Variants in RAP1GAP2 observed in about 807,000 individuals in gnomAD.
RAP1GAP2 encodes RAP1 GTPase activating protein 2, also known as rap1 GTPase-activating protein 2.
In RAP1GAP2, 27 loss-of-function variants were observed where a neutral mutation model predicts 95.0. The observed-to-expected ratio is 0.28, with a 90% CI of 0.21 to 0.39. The LOEUF (loss-of-function observed/expected upper bound fraction) is 0.39, where lower values mean the gene tolerates loss of function less well. Ranked by LOEUF, RAP1GAP2 falls within the 10% of genes least tolerant of loss-of-function variation. The probability of loss-of-function intolerance (pLI) is 1.00; values close to 1 mark genes in which losing one functional copy is unlikely to be tolerated. For missense variants in RAP1GAP2, 771 were observed against 970.0 expected, an observed-to-expected ratio of 0.79 and a Z score of 2.72; for synonymous variants, 373 against 380.9, an observed-to-expected ratio of 0.98 and a Z score of 0.24.
chr17:2,819,573 C>T (rs959067940), intron 2 of RAP1GAP2, among the ~76,000 whole-genome samples: 8 of 151,526 alleles, frequency 5.3e-5, no homozygotes, highest in Middle Eastern at 3.4e-3. Context: ...TCCCGGGTTC[C>T]AGCGACTCTC....
chr17:2,824,589 A>G (rs2070457409), intron 2 of RAP1GAP2, among the ~76,000 whole-genome samples: 1 of 150,744 alleles, frequency 6.6e-6, no homozygotes, highest in Non-Finnish European at 1.5e-5. Context: ...AAAATACAAA[A>G]ATTAGCCGGG....
intron 3 of RAP1GAP2, among the ~76,000 whole-genome samples, chr17:2,910,305 T>C: frequency 6.6e-6 from 1 of 152,210 alleles, no homozygotes; most frequent in South Asian, 2.1e-4. Context: ...CCTCTGCTTC[T>C]GGCTGGATCC....
intron 3 of RAP1GAP2, among the ~76,000 whole-genome samples, chr17:2,947,975 T>C (rs2043769334): frequency 6.6e-6 from 1 of 152,116 alleles, no homozygotes; most frequent in South Asian, 2.1e-4. Flanking sequence ...AAACACCTGC[T>C]CCTCCATCCT....
In RAP1GAP2 at chr17:2,904,530, C is replaced by G. The variant is rs868662416; in HGVS notation, c.81-754C>G. On this transcript the variant is annotated intron_variant, in intron 2 of 24. Transcript: ENST00000254695. This position sits in a 1 kb window ranked among gnomAD's most constrained non-coding sequence, Gnocchi z 4.7. ...CCGAGGACAGCTTTTTGACCAGGGC[C>G]TGTGTGTGTGTGTGTGTGTGTGTGT... 1.1e-4 allele frequency among the ~76,000 whole-genome samples: 14 copies of G among 129,080 alleles called. No individual in the cohort carries two copies. Among genetic ancestry groups the G allele is most frequent in the Non-Finnish European group, 2.1e-4 (13 of 60,564 alleles). 84.7% of individuals were successfully genotyped at this position (129,080 alleles called of 152,430 possible). A position where few individuals can be genotyped will look rare whatever the true frequency, so the allele number is the denominator to read the frequency against.
At chr17:2,805,634 A>G (rs2069482964) in intron 2 of RAP1GAP2, among the ~76,000 whole-genome samples, 2 of 151,788 alleles carry the variant, frequency 1.3e-5, no homozygotes, top group African/African-American at 2.4e-5. Context: ...CAGCCTCCCA[A>G]AGTGTTGGGA....
intron 17 of RAP1GAP2, among the ~76,000 whole-genome samples, chr17:3,016,449 T>A (rs748180939): frequency 6.6e-6 from 1 of 152,224 alleles, no homozygotes; most frequent in Non-Finnish European, 1.5e-5. Flanking sequence ...GAACAACAGA[T>A]AATATTCGTG....
intron 3 of RAP1GAP2, among the ~76,000 whole-genome samples, chr17:2,912,627 T>C (rs370508376): frequency 6.6e-6 from 1 of 152,050 alleles, no homozygotes; most frequent in South Asian, 2.1e-4. Context: ...ATTCCCTCCA[T>C]CCCTACTGCT....
intron 2 of RAP1GAP2, among the ~76,000 whole-genome samples, chr17:2,900,615 T>C (rs2041997434): frequency 1.3e-5 from 2 of 152,040 alleles, no homozygotes; most frequent in African/African-American, 2.4e-5. Context: ...CTAATTTTTG[T>C]ATTTTTAGTA....
At chr17:2,826,999 C>T (rs747347025) in intron 2 of RAP1GAP2, among the ~76,000 whole-genome samples, 11 of 151,330 alleles carry the variant, frequency 7.3e-5, no homozygotes, top group Non-Finnish European at 1.2e-4. Flanking sequence ...AGCGAGACTC[C>T]GTTTCGAGAG....
intron 2 of RAP1GAP2, among the ~76,000 whole-genome samples, chr17:2,832,439 T>C (rs1354474675): frequency 6.7e-6 from 1 of 148,352 alleles, no homozygotes; most frequent in African/African-American, 2.5e-5. Context: ...GCACCTGTAG[T>C]CCCAGCTACT....
upstream of RAP1GAP2, among the ~76,000 whole-genome samples, chr17:2,774,819 T>C (rs76776533): frequency 9.0e-5 from 4 of 44,396 alleles, no homozygotes; most frequent in Admixed American, 8.0e-4. Flanking sequence ...TGCTATCCTT[T>C]TTTTTTTTTT....
intron 1 of RAP1GAP2, among the ~76,000 whole-genome samples, chr17:2,784,385 C>T (rs1021315918): frequency 2.1e-4 from 32 of 152,192 alleles, no homozygotes; most frequent in African/African-American, 7.2e-4. Flanking sequence ...ATTCTCCTGC[C>T]TCAGCCTCCC....
At position 2,903,572 on chromosome 17, in the gene RAP1GAP2, G is replaced by A. The variant is rs918191221; in HGVS notation, c.81-1712G>A. ...GAGCCAGTTACAGCCTGGATCAGGCGGGAGAGTCCCCCCTCTCCAGCCATC... is the reference window on the plus strand; with the variant it reads ...GAGCCAGTTACAGCCTGGATCAGGCAGGAGAGTCCCCCCTCTCCAGCCATC... On this transcript the variant is annotated intron_variant, in intron 2 of 24. Transcript: ENST00000254695. This position sits in a 1 kb window ranked among gnomAD's most constrained non-coding sequence, Gnocchi z 4.1. Among the ~76,000 whole-genome samples, 4 of 152,206 alleles carry A rather than the reference G, an allele frequency of 2.6e-5. No homozygotes were observed. The highest frequency in any genetic ancestry group is 2.1e-4 in the South Asian group (1 of 4,836).
chr17:3,031,169 C>T (rs1292449851), intron 23 of RAP1GAP2, among the ~76,000 whole-genome samples, 171 bp downstream of exon 23: 4 of 152,254 alleles, frequency 2.6e-5, no homozygotes, highest in Admixed American at 2.0e-4. Flanking sequence ...CTCCGGGTTC[C>T]AGCCACCTTT....
chr17:2,926,620 C>T lies in RAP1GAP2; in HGVS notation c.165+21252C>T, dbSNP rs543928227. ...TCTTATGGCCGCTGTCACAAATACCCACACACTTAGTGGCTTAAGACAACA... is the reference window on the plus strand; with the variant it reads ...TCTTATGGCCGCTGTCACAAATACCTACACACTTAGTGGCTTAAGACAACA... On this transcript the variant is annotated intron_variant, in intron 3 of 24. Transcript: ENST00000254695. Among the ~76,000 whole-genome samples, 8 of 152,198 alleles carry T rather than the reference C, an allele frequency of 5.3e-5. No homozygotes were observed. The South Asian group carries it at 1.7e-3, about 32-fold the overall frequency.
At chr17:2,892,345 A>G (rs573270277) in intron 2 of RAP1GAP2, among the ~76,000 whole-genome samples, 2 of 152,088 alleles carry the variant, frequency 1.3e-5, no homozygotes, top group Non-Finnish European at 2.9e-5. Context: ...TTATGGTGAG[A>G]CAACAGCCAT....
At chr17:2,993,585 T>TA (rs138728403) in intron 12 of RAP1GAP2, among the ~76,000 whole-genome samples, 17,493 of 148,552 alleles carry the variant, frequency 0.12, 1,194 homozygotes, top group Non-Finnish European at 0.15. Context: ...AAAAAAAAAA[T>TA]AAATAAATAA....
chr17:2,927,365 G>C (rs182904781), intron 3 of RAP1GAP2, among the ~76,000 whole-genome samples: 3 of 152,122 alleles, frequency 2.0e-5, no homozygotes, highest in Admixed American at 1.3e-4. Context: ...GTGTTAGCCA[G>C]GATGGTCTCG....
chr17:2,820,730 A>G (rs1402548907), intron 2 of RAP1GAP2, among the ~76,000 whole-genome samples: 2 of 151,836 alleles, frequency 1.3e-5, no homozygotes, highest in Admixed American at 1.3e-4. Flanking sequence ...GAGTGACAGA[A>G]GCATATTTTA....
Sources: allele counts gnomAD v4.1 joint callset (sites outside exome capture counted in the v4.1 genomes callset), GRCh38; gene constraint gnomAD v4.1.1; non-coding constraint Gnocchi (gnomAD v3.1); transcripts MANE v1.5; gene names NCBI Gene and HGNC (gene_info 2026-07-23, HGNC 2026-07-21).